UTP25: variants seen among roughly 807,000 people sequenced by gnomAD.
The protein encoded by UTP25 is U3 small nucleolar RNA-associated protein 25 homolog.
Under a neutral mutation model 78.9 loss-of-function variants are expected in UTP25, and 50 were observed. The ratio of observed to expected loss-of-function variants is 0.63; its 90% CI spans 0.50 to 0.80. The LOEUF (loss-of-function observed/expected upper bound fraction) is 0.80, where lower values mean the gene tolerates loss of function less well. UTP25 is among the 30% of genes least tolerant of loss of function. UTP25 has a pLI of 0.00. For synonymous variants in UTP25, 329 were observed against 336.5 expected, an observed-to-expected ratio of 0.98 and a Z score of 0.24; for missense variants, 846 against 911.3, an observed-to-expected ratio of 0.93 and a Z score of 0.92.
Position 209,842,304 on chromosome 1 carries a change from C to G in UTP25, c.1525C>G (p.His509Asp). Reference sequence around the variant, plus strand: ...CATGAACCTACTACCCCTGGACTCACATGGGGTAGACTTTTCTCGAGTGCG... The same window carrying G: ...CATGAACCTACTACCCCTGGACTCAGATGGGGTAGACTTTTCTCGAGTGCG... ...NHMNLLPLDSHGVDFSRVRMW... is the reference protein window; with the variant it reads ...NHMNLLPLDSDGVDFSRVRMW... Residue 509 changes from histidine (H) to aspartate (D), a missense_variant, in exon 9 of 12, where the codon CAT becomes GAT. His to Asp is a moderately conservative substitution (Grantham distance 81, BLOSUM62 -1). Transcript: ENST00000491415. The G allele has an allele frequency of 6.2e-7, 1 of 1,614,022 alleles. No homozygotes were observed. Among genetic ancestry groups the G allele is most frequent in the Non-Finnish European group, 8.5e-7 (1 of 1,179,952 alleles).
At chr1:209,833,593 G>T (rs999466532) in intron 4 of UTP25, among the ~76,000 whole-genome samples, 21 of 152,114 alleles carry the variant, frequency 1.4e-4, no homozygotes, top group African/African-American at 5.1e-4. Context: ...AGCTTCCCAG[G>T]CCTCACATTT....
chr1:209,849,445 G>A (rs1258307854), intron 11 of UTP25, among the ~76,000 whole-genome samples: 1 of 152,028 alleles, frequency 6.6e-6, no homozygotes, highest in Non-Finnish European at 1.5e-5. Flanking sequence ...TCCCTTAAGG[G>A]CAGACAACTT....
rs960908848 is a variant in UTP25, at chr1:209,836,771, A to G, written c.652-30A>G. On this transcript the variant is annotated intron_variant, in intron 5 of 11. Coordinates refer to ENST00000491415, the MANE Select transcript of UTP25 (RefSeq NM_014388.7). ...ATGTAATTTACTGTTATTCATTTCT[A>G]ATTTGGCTCTTGATCTGTTTCTCCC... 6 of 1,552,674 alleles carry G rather than the reference A, an allele frequency of 3.9e-6. No homozygotes were observed. In the African/African-American group the frequency reaches 8.3e-5, roughly 22 times the overall value.
intron 11 of UTP25, among the ~76,000 whole-genome samples, chr1:209,847,551 A>C (rs909493599): frequency 6.6e-6 from 1 of 152,246 alleles, no homozygotes; most frequent in African/African-American, 2.4e-5. Flanking sequence ...TACTACAGTA[A>C]TATCATCTGA....
intron 4 of UTP25, among the ~76,000 whole-genome samples, chr1:209,833,602 T>A (rs2078116024): frequency 6.6e-6 from 1 of 152,106 alleles, no homozygotes; most frequent in African/African-American, 2.4e-5. Flanking sequence ...GGCCTCACAT[T>A]TTCATTATTG....
intron 11 of UTP25, among the ~76,000 whole-genome samples, chr1:209,848,954 C>T (rs1057442814): frequency 6.6e-6 from 1 of 152,136 alleles, no homozygotes; most frequent in African/African-American, 2.4e-5. Flanking sequence ...ACCTCAAATT[C>T]CTCCAGCAGA....
chr1:209,837,228 A>G lies in UTP25; in HGVS notation c.1062+17A>G. 2 of 1,605,912 alleles carry G rather than the reference A, an allele frequency of 1.2e-6. No homozygotes were observed. The highest frequency in any genetic ancestry group is 1.7e-6 in the Non-Finnish European group (2 of 1,174,934). On this transcript the variant is annotated intron_variant, in intron 6 of 11. Transcript: ENST00000491415. ...AGGCCCAAGGTGAGTCCAGCAGGAA[A>G]GCTTTGCTCTCGAGGAGGTGGCTGC...
In UTP25 at chr1:209,839,047, G is replaced by A. The variant is rs532263458; in HGVS notation, c.1201G>A (p.Glu401Lys). The change falls in exon 7 of 12, where the codon GAG (glutamate) becomes AAG (lysine). Residue 401 changes from glutamate (E) to lysine (K), a missense_variant. Transcript: ENST00000491415. The stretch of plus-strand genomic sequence containing the variant: ...TCAGGGAGAATATGGATCAGATCCC[G>A]AGGAGAGACCACCCAACTTGAAGAG... ...RFQGEYGSDP[E>K]ERPPNLKRPE... 181 of 1,614,116 alleles carry A rather than the reference G, an allele frequency of 1.1e-4. No homozygotes were observed. The South Asian group carries it at 1.5e-3, about 13-fold the overall frequency.
chr1:209,834,785 A>C (rs1402248089), intron 4 of UTP25, among the ~76,000 whole-genome samples: 1 of 152,218 alleles, frequency 6.6e-6, no homozygotes, highest in African/African-American at 2.4e-5. Flanking sequence ...TATAGTCCAG[A>C]AATGATAACG....
chr1:209,847,111 T>C (rs1455605200), intron 11 of UTP25, among the ~76,000 whole-genome samples: 1 of 152,190 alleles, frequency 6.6e-6, no homozygotes, highest in Non-Finnish European at 1.5e-5. Flanking sequence ...TTGTCTTAGA[T>C]GTTTTATGTG....
At chr1:209,829,504 G>A (rs2078090982) in intron 1 of UTP25, among the ~76,000 whole-genome samples, 1 of 147,086 alleles carries the variant, frequency 6.8e-6, no homozygotes, top group South Asian at 2.1e-4. Flanking sequence ...TTTTTTTTGA[G>A]GCAGGGTCTC....
At position 209,839,140 on chromosome 1, in the gene UTP25, T is replaced by G. The variant is rs2078152272; in HGVS notation, c.1282+12T>G. The G allele has an allele frequency of 6.3e-7, 1 of 1,593,138 alleles. No homozygotes were observed. The highest frequency in any genetic ancestry group is 8.6e-7 in the Non-Finnish European group (1 of 1,166,358). ...CCACTTCAGGATTGGTAATTCTTCC[T>G]TATCAACTTTGAGACCTAAAGTGTG... is the stretch of plus-strand genomic sequence containing the variant. On this transcript the variant is annotated intron_variant, in intron 7 of 11. Transcript: ENST00000491415.
intron 1 of UTP25, among the ~76,000 whole-genome samples, chr1:209,828,600 C>T (rs1421137217): frequency 1.3e-5 from 2 of 149,598 alleles, no homozygotes; most frequent in African/African-American, 4.9e-5. Context: ...GATGGGGTTT[C>T]ACCATGTTGG....
rs2078163548 is a variant in UTP25, at chr1:209,840,924, C to T, written c.1354C>T (p.Pro452Ser). ...CTCCTCGGATATCCTCATTGCTTCC[C>T]CCCTGGGCTTGAGGACCATCATTGG... ...FYSSDILIAS[P>S]LGLRTIIGGE... Residue 452 changes from proline to serine, a missense_variant, in exon 8 of 12, where the codon CCC becomes TCC. Pro to Ser is a moderately conservative substitution (Grantham distance 74). Transcript: ENST00000491415. The T allele has an allele frequency of 6.2e-7, 1 of 1,613,806 alleles. No individual in the cohort carries two copies. The highest frequency in any genetic ancestry group is 1.3e-5 in the African/African-American group (1 of 74,902).
chr1:209,847,088 A>G (rs562453704), intron 11 of UTP25, among the ~76,000 whole-genome samples: 1 of 150,956 alleles, frequency 6.6e-6, no homozygotes, highest in South Asian at 2.1e-4. Flanking sequence ...TGTTTTAAGG[A>G]TTTTTTTTTC....
chr1:209,836,039 A>C (rs56268268), intron 5 of UTP25, among the ~76,000 whole-genome samples: 24,443 of 152,012 alleles, frequency 0.16, 2,290 homozygotes, highest in Non-Finnish European at 0.2. Flanking sequence ...CTCCCTCTGC[A>C]CCCTGCCCCA....
At chr1:209,833,427 T>G (rs1184341242) in intron 4 of UTP25, 69 bp downstream of exon 4, 5 of 1,300,904 alleles carry the variant, frequency 3.8e-6, no homozygotes, top group African/African-American at 3.0e-5. Context: ...CTAATACACA[T>G]TGAATCTATT....
At chr1:209,837,855 C>T (rs1198026374) in intron 6 of UTP25, among the ~76,000 whole-genome samples, 2 of 152,192 alleles carry the variant, frequency 1.3e-5, no homozygotes, top group African/African-American at 2.4e-5. Context: ...CAGGACTTGT[C>T]CCCCTGCCCT....
In UTP25 at chr1:209,840,886, A is replaced by G. The variant is rs560213820; in HGVS notation, c.1316A>G (p.Tyr439Cys). ...VAILQRSIRLYAPFYSSDILI... is the reference protein window; with the variant it reads ...VAILQRSIRLCAPFYSSDILI... Reference sequence around the variant, plus strand: ...ATACTTCAGAGAAGCATCCGACTCTATGCCCCGTTTTACTCCTCGGATATC... The same window carrying G: ...ATACTTCAGAGAAGCATCCGACTCTGTGCCCCGTTTTACTCCTCGGATATC... The change falls in exon 8 of 12, where the codon TAT becomes TGT. Residue 439 changes from tyrosine (Y) to cysteine (C), a missense_variant. By Grantham distance (194) the Tyr-to-Cys change is radical. Coordinates refer to ENST00000491415, the MANE Select transcript of UTP25 (RefSeq NM_014388.7). The G allele has an allele frequency of 5.0e-6, 8 of 1,613,164 alleles. No homozygotes were observed. The East Asian group carries it at 1.6e-4, about 31-fold the overall frequency.
Sources: gnomAD v4.1 joint callset for allele counts (sites outside exome capture counted in the v4.1 genomes callset) on GRCh38, gnomAD v4.1.1 for gene constraint, MANE v1.5 for transcripts, NCBI Gene and HGNC (gene_info 2026-07-23, HGNC 2026-07-21) for gene names.